Variants in ESRRB observed in about 807,000 individuals in gnomAD.
ESRRB encodes the protein estrogen related receptor beta.
Under a neutral mutation model 46.0 loss-of-function variants are expected in ESRRB, and 16 were observed. That is an observed-to-expected ratio of 0.35 (90% CI 0.24 to 0.53). ESRRB has a LOEUF of 0.53. Ranked by LOEUF, ESRRB falls within the 20% of genes least tolerant of loss-of-function variation. The pLI is 0.93. For missense variants in ESRRB, 488 were observed against 607.4 expected, an observed-to-expected ratio of 0.80 and a Z score of 2.07; for synonymous variants, 246 against 259.6, an observed-to-expected ratio of 0.95 and a Z score of 0.50.
intron 2 of ESRRB, among the ~76,000 whole-genome samples, chr14:76,454,968 C>T (rs574926822): frequency 3.3e-5 from 5 of 152,126 alleles, no homozygotes. Flanking sequence ...GCCTGGCCAA[C>T]ATGGTGAGGA....
At chr14:76,468,108 G>A (rs945920786) in intron 3 of ESRRB, among the ~76,000 whole-genome samples, 11 of 152,122 alleles carry the variant, frequency 7.2e-5, no homozygotes, top group African/African-American at 2.7e-4. Flanking sequence ...TTAAAAGGAG[G>A]CCCTGATCAG....
chr14:76,320,683 C>T (rs545685539), intron 1 of ESRRB, among the ~76,000 whole-genome samples: 40 of 152,342 alleles, frequency 2.6e-4, no homozygotes, highest in African/African-American at 9.4e-4. Flanking sequence ...TGCCACAAGC[C>T]TGGCTGATGG....
In ESRRB at chr14:76,378,331, C is replaced by G. The variant is rs1884866016; in HGVS notation, c.50+1880C>G. Among the ~76,000 whole-genome samples, 3 of 152,114 alleles carry G rather than the reference C, an allele frequency of 2.0e-5. No individual in the cohort carries two copies. In the South Asian group the frequency reaches 6.2e-4, roughly 32 times the overall value. On this transcript the variant is annotated intron_variant, in intron 1 of 6. Transcript: ENST00000644823. ...GCTGGGTAATTCATCGAGTTGACGG[C>G]AGCCCTGACTGGAGTTTGAGGAGAA...
chr14:76,491,766 G>A, intron 6 of ESRRB, 50 bp downstream of exon 6: 1 of 1,523,868 alleles, frequency 6.6e-7, no homozygotes, highest in Non-Finnish European at 8.8e-7. Flanking sequence ...GCTCTGCATG[G>A]GCCTAATGAG....
intron 1 of ESRRB, among the ~76,000 whole-genome samples, chr14:76,383,302 T>C (rs1337448797): frequency 1.3e-5 from 2 of 152,034 alleles, no homozygotes; most frequent in Non-Finnish European, 2.9e-5. Flanking sequence ...TTAGTTTTTA[T>C]GTTTTATTCT....
At chr14:76,327,014 G>A (rs577192170) in intron 1 of ESRRB, among the ~76,000 whole-genome samples, 11 of 152,352 alleles carry the variant, frequency 7.2e-5, no homozygotes, top group African/African-American at 1.7e-4. Flanking sequence ...GGCCTGGGCC[G>A]GGTGACCTCG....
rs182832264 is a variant in ESRRB, at chr14:76,358,660, C to T, written c.2+47744C>T. Among the ~76,000 whole-genome samples, 797 of 152,288 alleles carry T rather than the reference C, an allele frequency of 5.2e-3. 10 individuals carry two copies. Among genetic ancestry groups the T allele is most frequent in the African/African-American group, 0.018 (740 of 41,534 alleles). On this transcript the variant is annotated intron_variant, in intron 1 of 6. Coordinates refer to the ESRRB transcript ENST00000512784. ...AAAGTAAGACATGGTGATCACCTTG[C>T]GTTCACTAAAACACACTGTGAACTG...
chr14:76,478,147 G>A (rs1228641994), intron 3 of ESRRB, among the ~76,000 whole-genome samples: 1 of 152,176 alleles, frequency 6.6e-6, no homozygotes, highest in Non-Finnish European at 1.5e-5. Context: ...AGCACATGCT[G>A]CATCTTGGGT....
At chr14:76,431,538 G>A (rs556684989) in intron 1 of ESRRB, among the ~76,000 whole-genome samples, 73 of 152,302 alleles carry the variant, frequency 4.8e-4, no homozygotes, top group African/African-American at 1.7e-3. Context: ...ATCAGGCTGC[G>A]AAGGGAACAG....
chr14:76,333,167 A>T lies in ESRRB; in HGVS notation c.2+22251A>T, dbSNP rs1223475054. ...TTATATATTATATATAATATATATT[A>T]TATATACTATATATATATTATATAT... On this transcript the variant is annotated intron_variant, in intron 1 of 6. Transcript: ENST00000512784. Among the ~76,000 whole-genome samples the T allele has an allele frequency of 1.2e-4, 2 of 16,336 alleles. 1 individual carries two copies. Among genetic ancestry groups the T allele is most frequent in the Non-Finnish European group, 2.1e-4 (2 of 9,426 alleles). The allele number at this position is 16,336 out of a possible 152,430, so 10.7% of individuals were successfully genotyped here. A position where few individuals can be genotyped will look rare whatever the true frequency, so the allele number is the denominator to read the frequency against.
At chr14:76,332,824 A>ATC in intron 1 of ESRRB, among the ~76,000 whole-genome samples, 1 of 22,792 alleles carries the variant, frequency 4.4e-5, no homozygotes, top group Non-Finnish European at 7.4e-5. Context: ...ATATATTTAT[A>ATC]TATTTATATA....
intron 1 of ESRRB, among the ~76,000 whole-genome samples, chr14:76,354,235 C>CCCCCA: frequency 1.2e-5 from 1 of 86,028 alleles, no homozygotes; most frequent in East Asian, 6.3e-4. Context: ...CCCCCCCCCC[C>CCCCCA]ACCCACACTT....
chr14:76,469,926 G>GTTTTTTTTTTT lies in ESRRB; in HGVS notation c.577+7267_577+7268insTTTTTTTTTTT, dbSNP rs1356927268. On this transcript the variant is annotated intron_variant, in intron 3 of 6. Coordinates refer to ENST00000644823, the MANE Select transcript of ESRRB (RefSeq NM_001379180.1). ...AGGTAAAGACTAGGCTGTGTTTTTT[G>GTTTTTTTTTTT]TTGTTTTTTTTTTTTTTCTTTTTTT... 5.9e-4 allele frequency among the ~76,000 whole-genome samples: 40 copies of GTTTTTTTTTTT among 67,606 alleles called. 1 individual carries two copies. Among genetic ancestry groups the GTTTTTTTTTTT allele is most frequent in the African/African-American group, 9.1e-4 (18 of 19,798 alleles). The allele number at this position is 67,606 out of a possible 152,430, so 44.4% of individuals were successfully genotyped here. A position where few individuals can be genotyped will look rare whatever the true frequency, so the allele number is the denominator to read the frequency against.
At chr14:76,351,831 T>C (rs1238612905) in intron 1 of ESRRB, among the ~76,000 whole-genome samples, 1 of 151,906 alleles carries the variant, frequency 6.6e-6, no homozygotes, top group African/African-American at 2.4e-5. Flanking sequence ...ATGAAGAGTA[T>C]AAACTTCACT....
At chr14:76,334,800 C>A (rs574271704) in intron 1 of ESRRB, among the ~76,000 whole-genome samples, 1 of 152,258 alleles carries the variant, frequency 6.6e-6, no homozygotes, top group Non-Finnish European at 1.5e-5. Flanking sequence ...TTGGGGGAAC[C>A]AGAAACACTT....
At chr14:76,413,195 A>T (rs1886514756) in intron 1 of ESRRB, among the ~76,000 whole-genome samples, 1 of 152,160 alleles carries the variant, frequency 6.6e-6, no homozygotes, top group African/African-American at 2.4e-5. Flanking sequence ...GCTGCACCGC[A>T]GTGCTGTTGG....
At chr14:76,318,083 A>G (rs1883823120) in intron 1 of ESRRB, among the ~76,000 whole-genome samples, 1 of 152,184 alleles carries the variant, frequency 6.6e-6, no homozygotes, top group Non-Finnish European at 1.5e-5. Context: ...CAAACTCTGC[A>G]TTTTAAATTT....
intron 1 of ESRRB, among the ~76,000 whole-genome samples, chr14:76,396,693 C>T (rs1239459701): frequency 6.6e-6 from 1 of 152,258 alleles, no homozygotes; most frequent in Non-Finnish European, 1.5e-5. Flanking sequence ...CCCTGGTCCC[C>T]TGCAGTGCAC....
chr14:76,457,778 TTC>T (rs1310245013), intron 2 of ESRRB, among the ~76,000 whole-genome samples: 1 of 152,170 alleles, frequency 6.6e-6, no homozygotes, highest in African/African-American at 2.4e-5. Context: ...GTTTAAGCGA[TTC>T]TCCTGCCTCA....
Sources: gnomAD v4.1 joint callset for allele counts (sites outside exome capture counted in the v4.1 genomes callset) on GRCh38, gnomAD v4.1.1 for gene constraint, MANE v1.5 for transcripts, NCBI Gene and HGNC (gene_info 2026-07-23, HGNC 2026-07-21) for gene names.